The following ACADL variants were observed in gnomAD, a reference collection of about 807,000 sequenced individuals.
ACADL encodes the protein long-chain specific acyl-CoA dehydrogenase, mitochondrial.
In ACADL, 60 loss-of-function variants were observed where a neutral mutation model predicts 56.9. The observed-to-expected ratio is 1.05, with a 90% confidence interval of 0.86 to 1.31. The LOEUF is 1.31. ACADL is among the 50% of genes most tolerant of loss of function. The pLI, the probability that ACADL is intolerant of heterozygous loss-of-function variation, is 0.00. For synonymous variants in ACADL, 158 were observed against 179.7 expected, an observed-to-expected ratio of 0.88 and a Z score of 0.97; for missense variants, 484 against 525.5, an observed-to-expected ratio of 0.92 and a Z score of 0.77.
chr2:210,199,383 A>G (rs572276733), intron 8 of ACADL, among the ~76,000 whole-genome samples: 1 of 152,200 alleles, frequency 6.6e-6, no homozygotes, highest in Non-Finnish European at 1.5e-5. Context: ...CTGAAAGTTT[A>G]GGGAACTAAC....
At chr2:210,200,190 G>A (rs1286642585) in intron 8 of ACADL, among the ~76,000 whole-genome samples, 1 of 152,124 alleles carries the variant, frequency 6.6e-6, no homozygotes, top group Non-Finnish European at 1.5e-5. Flanking sequence ...ATTGCCAGGA[G>A]CGTAGTATGT....
intron 3 of ACADL, 108 bp from the exon 4 acceptor site, chr2:210,216,619 C>T: frequency 3.9e-6 from 4 of 1,032,544 alleles, no homozygotes; most frequent in Non-Finnish European, 5.7e-6. Flanking sequence ...AGTGGCCTAT[C>T]TCATCACAAA....
rs1183474450 is a variant in ACADL at position 210,192,883 on chromosome 2, C to G, written c.1120G>C (p.Glu374Gln). 6.8e-6 allele frequency: 11 copies of G among 1,613,494 alleles called. No homozygotes were observed. The highest frequency in any genetic ancestry group is 8.5e-6 in the Non-Finnish European group (10 of 1,179,684). The change falls in exon 10 of 11, where the codon GAG (glutamate) becomes CAG (glutamine). Residue 374 changes from glutamate (E) to glutamine (Q), a missense_variant. Coordinates refer to ENST00000233710, the MANE Select transcript of ACADL (RefSeq NM_001608.4). ...TCGTAAGCTACACTATTTTGTAACT[C>G]AGATGCCCTAAATGACCAAAATAAA... is the stretch of plus-strand genomic sequence containing the variant. Reference protein sequence around the residue: ...TACMAKYWASELQNSVAYDCV... With the variant: ...TACMAKYWASQLQNSVAYDCV...
chr2:210,205,838 C>A (rs1688879550), intron 5 of ACADL, 42 bp from the exon 6 acceptor site: 1 of 1,606,692 alleles, frequency 6.2e-7, no homozygotes, highest in Non-Finnish European at 8.5e-7. Context: ...CATGATAATT[C>A]AATTCTATGT....
chr2:210,194,218 G>C (rs1261781930), intron 9 of ACADL, among the ~76,000 whole-genome samples: 1 of 152,078 alleles, frequency 6.6e-6, no homozygotes, highest in African/African-American at 2.4e-5. Context: ...TCTTGTAAAT[G>C]TAAATATAAA....
intron 4 of ACADL, among the ~76,000 whole-genome samples, chr2:210,212,802 T>C (rs1429727835): frequency 6.6e-6 from 1 of 152,208 alleles, no homozygotes; most frequent in Non-Finnish European, 1.5e-5. Flanking sequence ...GGGCACTCAA[T>C]AAACATTTGT....
chr2:210,206,908 C>T (rs1404708822), intron 5 of ACADL, among the ~76,000 whole-genome samples: 1 of 152,058 alleles, frequency 6.6e-6, no homozygotes, highest in Admixed American at 6.6e-5. Flanking sequence ...GGACCTGGAC[C>T]TGAATAAGTA....
intron 4 of ACADL, among the ~76,000 whole-genome samples, chr2:210,212,859 A>C (rs1293395436): frequency 6.6e-6 from 1 of 152,230 alleles, no homozygotes; most frequent in Admixed American, 6.5e-5. Flanking sequence ...GAATTAATAT[A>C]GCAGGCCTGA....
chr2:210,195,143 C>G, intron 9 of ACADL, 68 bp downstream of exon 9: 1 of 1,601,010 alleles, frequency 6.2e-7, no homozygotes, highest in African/African-American at 1.3e-5. Context: ...CAAGGCTGAG[C>G]TTAAAATTGG....
chr2:210,195,552 G>A (rs1459590307), intron 8 of ACADL, among the ~76,000 whole-genome samples: 4 of 152,096 alleles, frequency 2.6e-5, no homozygotes, highest in African/African-American at 9.7e-5. Flanking sequence ...TGTACTAAAA[G>A]ATGCAAAAAT....
At chr2:210,215,051 C>A (rs540931548) in intron 4 of ACADL, among the ~76,000 whole-genome samples, 1 of 152,240 alleles carries the variant, frequency 6.6e-6, no homozygotes, top group Non-Finnish European at 1.5e-5. Flanking sequence ...GAGGGCCTGA[C>A]CTCCGCAAAA....
intron 10 of ACADL, among the ~76,000 whole-genome samples, chr2:210,190,947 C>T (rs900717105): frequency 1.4e-5 from 2 of 141,206 alleles, no homozygotes; most frequent in Admixed American, 7.5e-5. Flanking sequence ...GAGACAGTCT[C>T]ACTCTGTCGC....
chr2:210,211,750 A>G (rs1209251366), intron 4 of ACADL, among the ~76,000 whole-genome samples: 2 of 151,882 alleles, frequency 1.3e-5, no homozygotes, highest in Admixed American at 1.3e-4. Context: ...TTTATAAATT[A>G]CCCAGTTTCA....
Position 210,210,096 on chromosome 2 carries a change from G to C in ACADL, c.603+100C>G, listed in dbSNP as rs1346630480. On this transcript the variant is annotated intron_variant, in intron 5 of 10. Transcript: ENST00000233710. ...ACTTAGATAAATTCAATTCCTGCCT[G>C]AGTCCCTAGATTTAATAGAATTAAT... The C allele has an allele frequency of 9.9e-6, 9 of 904,836 alleles. No individual in the cohort carries two copies. In the African/African-American group the frequency reaches 1.2e-4, roughly 12 times the overall value. The allele number at this position is 904,836 out of a possible 1,614,324, so 56.1% of individuals were successfully genotyped here.
chr2:210,201,899 G>A (rs1688798797), intron 8 of ACADL, among the ~76,000 whole-genome samples: 2 of 152,076 alleles, frequency 1.3e-5, no homozygotes, highest in South Asian at 4.1e-4. Flanking sequence ...ACAATCATCT[G>A]TCTTTTCTCT....
intron 5 of ACADL, among the ~76,000 whole-genome samples, chr2:210,208,778 A>C (rs1688932758): frequency 6.6e-6 from 1 of 152,112 alleles, no homozygotes; most frequent in African/African-American, 2.4e-5. Flanking sequence ...ACTGTTAAAA[A>C]CTTTGTGTTG....
chr2:210,205,536 A>G, intron 6 of ACADL, 96 bp downstream of exon 6: 2 of 1,253,502 alleles, frequency 1.6e-6, no homozygotes, highest in South Asian at 1.3e-5. Flanking sequence ...AGCATAGGAA[A>G]TAAAATTGTG....
intron 8 of ACADL, among the ~76,000 whole-genome samples, chr2:210,201,910 A>G (rs1688798901): frequency 6.6e-6 from 1 of 152,206 alleles, no homozygotes. Flanking sequence ...TCTTTTCTCT[A>G]TGTTTGTACC....
intron 10 of ACADL, among the ~76,000 whole-genome samples, chr2:210,191,337 A>G (rs1044392615): frequency 6.6e-6 from 1 of 152,234 alleles, no homozygotes; most frequent in South Asian, 2.1e-4. Context: ...TAAAGAGAAT[A>G]TAAGTCTCTC....
Sources: allele counts gnomAD v4.1 joint callset (sites outside exome capture counted in the v4.1 genomes callset), GRCh38; gene constraint gnomAD v4.1.1; transcripts MANE v1.5; gene names NCBI Gene and HGNC (gene_info 2026-07-23, HGNC 2026-07-21).